The following AGAP1 variants were observed in gnomAD, a reference collection of about 807,000 sequenced individuals.
AGAP1 encodes ArfGAP with GTPase domain, ankyrin repeat and PH domain 1.
AGAP1 carries 29 observed loss-of-function variants against 105.3 expected under a neutral mutation model. That is an observed-to-expected ratio of 0.28 (90% CI 0.21 to 0.38). AGAP1 has a LOEUF of 0.38. Among genes scored for constraint, AGAP1 ranks in the 10% least tolerant of loss-of-function variants. AGAP1 has a pLI of 1.00. For missense variants in AGAP1, 998 were observed against 1,165.1 expected, an observed-to-expected ratio of 0.86 and a Z score of 2.09; for synonymous variants, 509 against 485.9, an observed-to-expected ratio of 1.05 and a Z score of -0.63.
Position 235,550,172 on chromosome 2 carries a change from C to T in AGAP1, c.163+55323C>T, listed in dbSNP as rs2149113145. On this transcript the variant is annotated intron_variant, in intron 1 of 17. Coordinates refer to ENST00000304032, the MANE Select transcript of AGAP1 (RefSeq NM_001037131.3). The surrounding 1 kb of genome is among the most constrained non-coding windows in gnomAD (Gnocchi z 4.6). ...GCGTGCAGCCTGCACACTCCCAGCA[C>T]CCGTGGCAGTCTTAGCAGGTGGATT... Among the ~76,000 whole-genome samples, 1 of 152,318 alleles carries T rather than the reference C, an allele frequency of 6.6e-6. No homozygotes were observed.
At chr2:235,803,947 G>A (rs543243499) in intron 8 of AGAP1, among the ~76,000 whole-genome samples, 3 of 152,260 alleles carry the variant, frequency 2.0e-5, no homozygotes, top group South Asian at 4.1e-4. Context: ...AATTAATTTA[G>A]TTTAGCGGCC....
chr2:235,542,904 A>G (rs1943491971), intron 1 of AGAP1, among the ~76,000 whole-genome samples: 1 of 152,150 alleles, frequency 6.6e-6, no homozygotes, highest in Non-Finnish European at 1.5e-5. Context: ...GAATTGCACC[A>G]CCCAAGGGGA....
intron 1 of AGAP1, among the ~76,000 whole-genome samples, chr2:235,704,974 T>TTC (rs1950460305): frequency 9.5e-6 from 1 of 105,642 alleles, no homozygotes; most frequent in South Asian, 3.5e-4. Flanking sequence ...TTTTTCTTTT[T>TTC]TTTTTTTTTT....
chr2:236,022,197 T>A (rs2056908133), intron 13 of AGAP1, among the ~76,000 whole-genome samples: 1 of 152,196 alleles, frequency 6.6e-6, no homozygotes, highest in African/African-American at 2.4e-5. Flanking sequence ...AAAAATGTCC[T>A]TTGTATGTCA....
chr2:235,652,775 C>G (rs1947638812), intron 1 of AGAP1, among the ~76,000 whole-genome samples: 1 of 151,986 alleles, frequency 6.6e-6, no homozygotes, highest in South Asian at 2.1e-4. Context: ...GCCTGTAATC[C>G]CAGCTACTCA....
Position 236,046,942 on chromosome 2 carries a change from A to T in AGAP1, c.1892-2117A>T, listed in dbSNP as rs2057737064. On this transcript the variant is annotated intron_variant, in intron 15 of 17. Coordinates refer to ENST00000304032, the MANE Select transcript of AGAP1 (RefSeq NM_001037131.3). This position sits in a 1 kb window ranked among gnomAD's most constrained non-coding sequence, Gnocchi z 5.2. Reference sequence around the variant, plus strand: ...GAGCCCAGTGGTTGAAGCCTGGGCAACATAGCAAGACCCCATCTGTGCAAA... The same window carrying T: ...GAGCCCAGTGGTTGAAGCCTGGGCATCATAGCAAGACCCCATCTGTGCAAA... 6.6e-6 allele frequency among the ~76,000 whole-genome samples: 1 copy of T among 152,210 alleles called. No homozygotes were observed. The highest frequency in any genetic ancestry group is 1.5e-5 in the Non-Finnish European group (1 of 68,032).
rs1943876223 is a variant in AGAP1 at position 235,553,408 on chromosome 2, C to T, written c.163+58559C>T. 1.3e-5 allele frequency among the ~76,000 whole-genome samples: 2 copies of T among 152,110 alleles called. No homozygotes were observed. The highest frequency in any genetic ancestry group is 1.5e-5 in the Non-Finnish European group (1 of 68,026). ...AAACATAGTTGTTTACATACTTCTC[C>T]TTTAATCCCACAGCTAGTTTTAAAA... On this transcript the variant is annotated intron_variant, in intron 1 of 17. Transcript: ENST00000304032. The surrounding 1 kb of genome is among the most constrained non-coding windows in gnomAD (Gnocchi z 4.5).
In AGAP1 at chr2:236,104,245, C is replaced by T. The variant is rs1477580380; in HGVS notation, c.2115-15947C>T. On this transcript the variant is annotated intron_variant, in intron 16 of 17. Coordinates refer to ENST00000304032, the MANE Select transcript of AGAP1 (RefSeq NM_001037131.3). This position sits in a 1 kb window ranked among gnomAD's most constrained non-coding sequence, Gnocchi z 4.7. ...GGCCTGTTGGCTGCTGTGAGAGATACGCCACCAGGCCAGGCTGACATGGGC... is the reference window on the plus strand; with the variant it reads ...GGCCTGTTGGCTGCTGTGAGAGATATGCCACCAGGCCAGGCTGACATGGGC... Among the ~76,000 whole-genome samples, 4 of 152,182 alleles carry T rather than the reference C, an allele frequency of 2.6e-5. No individual in the cohort carries two copies. Among genetic ancestry groups the T allele is most frequent in the East Asian group, 3.9e-4 (2 of 5,172 alleles).
rs1012446094 is a variant in AGAP1, at chr2:235,732,396, C to T, written c.311-8567C>T. On this transcript the variant is annotated intron_variant, in intron 3 of 17. Transcript: ENST00000304032. The surrounding 1 kb of genome is among the most constrained non-coding windows in gnomAD (Gnocchi z 4.8). ...GTTCCCCAAATGCCGTTTTGATCCT[C>T]AGATCTGGACGTTTCCATTTTATCT... Among the ~76,000 whole-genome samples the T allele has an allele frequency of 1.3e-5, 2 of 152,188 alleles. No individual in the cohort carries two copies. The highest frequency in any genetic ancestry group is 2.9e-5 in the Non-Finnish European group (2 of 68,044).
Position 235,601,812 on chromosome 2 carries a change from A to G in AGAP1, c.163+106963A>G, listed in dbSNP as rs954964418. Among the ~76,000 whole-genome samples, 5 of 152,048 alleles carry G rather than the reference A, an allele frequency of 3.3e-5. No individual in the cohort carries two copies. Among genetic ancestry groups the G allele is most frequent in the African/African-American group, 1.2e-4 (5 of 41,378 alleles). ...GCCTGGGCAACCTCTTTTAAAGTTA[A>G]TTACTTCCCAGCAGGCCCTGTTTTT... On this transcript the variant is annotated intron_variant, in intron 1 of 17. Transcript: ENST00000304032. This position sits in a 1 kb window ranked among gnomAD's most constrained non-coding sequence, Gnocchi z 4.4.
At chr2:236,048,472 TGCTTCAGTA>T (rs1328438973) in intron 15 of AGAP1, among the ~76,000 whole-genome samples, 1 of 152,240 alleles carries the variant, frequency 6.6e-6, no homozygotes, top group Non-Finnish European at 1.5e-5. Flanking sequence ...GCAGTGCAGT[TGCTTCAGTA>T]GCTATAGTTA....
At position 235,931,510 on chromosome 2, in the gene AGAP1, C is replaced by A. The variant is rs149749596; in HGVS notation, c.1483+587C>A. Among the ~76,000 whole-genome samples, 22 of 152,070 alleles carry A rather than the reference C, an allele frequency of 1.4e-4. No homozygotes were observed. The East Asian group carries it at 2.7e-3, about 19-fold the overall frequency. Reference sequence around the variant, plus strand: ...TAAGCATGCACGTTGGAAACGATCTCGCCGTCTGTGTGGAGCGTGAATGAC... The same window carrying A: ...TAAGCATGCACGTTGGAAACGATCTAGCCGTCTGTGTGGAGCGTGAATGAC... On this transcript the variant is annotated intron_variant, in intron 12 of 17. Transcript: ENST00000304032. This position sits in a 1 kb window ranked among gnomAD's most constrained non-coding sequence, Gnocchi z 5.6.
At chr2:235,681,963 C>A (rs1949100165) in intron 1 of AGAP1, among the ~76,000 whole-genome samples, 1 of 151,002 alleles carries the variant, frequency 6.6e-6, no homozygotes, top group Non-Finnish European at 1.5e-5. Context: ...CAATTCTCTG[C>A]CTCAGCCTCC....
In AGAP1 at chr2:235,741,559, A is replaced by G. The variant is rs1952585645; in HGVS notation, c.396+511A>G. ...ACCGAAAGCCGGTATGAAGCATATT[A>G]TGATTTCTTTGGAAGTTCCTGGAAA... is the stretch of plus-strand genomic sequence containing the variant. On this transcript the variant is annotated intron_variant, in intron 4 of 17. Transcript: ENST00000304032. The surrounding 1 kb of genome is among the most constrained non-coding windows in gnomAD (Gnocchi z 4.9). Among the ~76,000 whole-genome samples the G allele has an allele frequency of 6.6e-6, 1 of 152,188 alleles. No homozygotes were observed. The highest frequency in any genetic ancestry group is 1.5e-5 in the Non-Finnish European group (1 of 68,022).
At chr2:236,111,948 C>A (rs2059656048) in intron 16 of AGAP1, among the ~76,000 whole-genome samples, 1 of 152,188 alleles carries the variant, frequency 6.6e-6, no homozygotes, top group African/African-American at 2.4e-5. Context: ...GCAGTGTTGT[C>A]ACGCGACTGG....
At chr2:235,918,769 A>G (rs1336269923) in intron 11 of AGAP1, among the ~76,000 whole-genome samples, 3 of 151,888 alleles carry the variant, frequency 2.0e-5, no homozygotes, top group African/African-American at 4.8e-5. Context: ...CCTGCAGATA[A>G]TGTTCCCCTG....
intron 6 of AGAP1, among the ~76,000 whole-genome samples, chr2:235,758,736 T>C (rs1954146768): frequency 6.6e-6 from 1 of 151,822 alleles, no homozygotes; most frequent in African/African-American, 2.4e-5. Context: ...CAAATGGGGG[T>C]TGGGGGCTGA....
At chr2:235,917,172 C>A (rs1356830510) in intron 11 of AGAP1, among the ~76,000 whole-genome samples, 1 of 152,124 alleles carries the variant, frequency 6.6e-6, no homozygotes, top group African/African-American at 2.4e-5. Flanking sequence ...ACATCCCCCC[C>A]TTCCCTACTT....
intron 8 of AGAP1, among the ~76,000 whole-genome samples, chr2:235,804,606 G>T (rs1957747536): frequency 6.6e-6 from 1 of 152,246 alleles, no homozygotes; most frequent in African/African-American, 2.4e-5. Flanking sequence ...TAGGCAGGTA[G>T]TTAGTTGATG....
Sources: gnomAD v4.1 joint callset for allele counts (sites outside exome capture counted in the v4.1 genomes callset) on GRCh38, gnomAD v4.1.1 for gene constraint, Gnocchi (gnomAD v3.1) non-coding constraint, MANE v1.5 for transcripts, NCBI Gene and HGNC (gene_info 2026-07-23, HGNC 2026-07-21) for gene names.